The following EXOC4 variants were observed in gnomAD, a reference collection of about 807,000 sequenced individuals.
The protein encoded by EXOC4 is SEC8-like 1.
EXOC4 carries 71 observed loss-of-function variants against 107.2 expected under a neutral mutation model. That is an observed-to-expected ratio of 0.66 (90% confidence interval 0.55 to 0.81). The LOEUF is 0.81. Ranked by LOEUF, EXOC4 falls within the 30% of genes least tolerant of loss-of-function variation. EXOC4 has a pLI of 0.00. For synonymous variants in EXOC4, 456 were observed against 441.2 expected (o/e 1.03, Z -0.42); for missense variants, 1,108 against 1,189.6 (o/e 0.93, Z 1.01).
At chr7:134,038,133 GAGTCGC>G (rs2116513417) in intron 17 of EXOC4, among the ~76,000 whole-genome samples, 1 of 152,318 alleles carries the variant, frequency 6.6e-6, no homozygotes, top group Non-Finnish European at 1.5e-5. Context: ...ATGGGCTAAG[GAGTCGC>G]AGTATCGATT....
chr7:133,633,485 G>A (rs1253856948), intron 10 of EXOC4, among the ~76,000 whole-genome samples: 6 of 152,150 alleles, frequency 3.9e-5, no homozygotes, highest in African/African-American at 9.7e-5. Flanking sequence ...TTGGGAAGCC[G>A]AGGTGGGTGG....
At chr7:133,469,009 A>G (rs958317594) in intron 7 of EXOC4, among the ~76,000 whole-genome samples, 1 of 152,036 alleles carries the variant, frequency 6.6e-6, no homozygotes, top group Non-Finnish European at 1.5e-5. Context: ...GCTTGAGACA[A>G]TTTTTTCATG....
Position 133,481,544 on chromosome 7 carries a change from A to G in EXOC4, c.1417+1406A>G, listed in dbSNP as rs1445966465. The stretch of plus-strand genomic sequence containing the variant: ...TAAAGACTATTGCCTTGTCATTCCT[A>G]ACTTCACCTTTGTTATTAATAGAAT... On this transcript the variant is annotated intron_variant, in intron 9 of 17. Coordinates refer to ENST00000253861, the MANE Select transcript of EXOC4 (RefSeq NM_021807.4). 2.0e-5 allele frequency among the ~76,000 whole-genome samples: 3 copies of G among 152,162 alleles called. No homozygotes were observed. In the East Asian group the frequency reaches 5.8e-4, roughly 29 times the overall value.
chr7:133,408,290 G>A lies in EXOC4; in HGVS notation c.1182+33288G>A, dbSNP rs1463313368. ...TCGTGGGGGTCATGGTAGGGTGGTA[G>A]TGATGATGGAGGTATTGGTGGGGAT... On this transcript the variant is annotated intron_variant, in intron 7 of 17. Transcript: ENST00000253861. Among the ~76,000 whole-genome samples, 4 of 151,550 alleles carry A rather than the reference G, an allele frequency of 2.6e-5. No homozygotes were observed. In the East Asian group the frequency reaches 7.8e-4, roughly 30 times the overall value.
intron 10 of EXOC4, among the ~76,000 whole-genome samples, chr7:133,803,885 G>C (rs924907668): frequency 6.6e-6 from 1 of 152,184 alleles, no homozygotes; most frequent in East Asian, 1.9e-4. Flanking sequence ...ATTTAACACA[G>C]ATGCCTCTTG....
At chr7:133,867,896 A>G (rs1057452951) in intron 11 of EXOC4, among the ~76,000 whole-genome samples, 46 of 152,222 alleles carry the variant, frequency 3.0e-4, no homozygotes, top group African/African-American at 1.1e-3. Context: ...ATCTTACTGT[A>G]TGGTTTAAGG....
chr7:133,352,940 C>G (rs964794462), intron 5 of EXOC4, among the ~76,000 whole-genome samples: 3 of 152,020 alleles, frequency 2.0e-5, no homozygotes, highest in African/African-American at 4.8e-5. Flanking sequence ...GGCTCTGTCC[C>G]TACCACTTTT....
intron 11 of EXOC4, among the ~76,000 whole-genome samples, chr7:133,822,908 T>C (rs1797557736): frequency 6.6e-6 from 1 of 152,242 alleles, no homozygotes; most frequent in Non-Finnish European, 1.5e-5. Flanking sequence ...AGTATTCAGC[T>C]TTGTTTCATG....
chr7:133,261,335 CTG>C (rs1303371266), intron 1 of EXOC4, among the ~76,000 whole-genome samples: 4 of 149,492 alleles, frequency 2.7e-5, no homozygotes, highest in African/African-American at 7.4e-5. Context: ...AGTGTGATCT[CTG>C]CTCACTGCAA....
intron 10 of EXOC4, among the ~76,000 whole-genome samples, chr7:133,787,145 GTTTTTTCTTTTCTTTT>G (rs1365727976): frequency 1.4e-5 from 2 of 144,120 alleles, no homozygotes; most frequent in African/African-American, 5.1e-5. Flanking sequence ...TTTTTTTCTT[GTTTTTTCTTTTCTTTT>G]TTTTTTCTTT....
At chr7:133,328,585 G>A (rs1795304978) in intron 5 of EXOC4, among the ~76,000 whole-genome samples, 1 of 152,094 alleles carries the variant, frequency 6.6e-6, no homozygotes, top group African/African-American at 2.4e-5. Context: ...CCATTTTAGT[G>A]CTTCCTCTGG....
intron 17 of EXOC4, among the ~76,000 whole-genome samples, chr7:134,020,079 C>T (rs972858179): frequency 3.3e-5 from 5 of 152,210 alleles, no homozygotes; most frequent in African/African-American, 9.6e-5. Context: ...CAAATTAGCA[C>T]GTCATCAACA....
At chr7:133,629,440 G>A (rs542996533) in intron 9 of EXOC4, among the ~76,000 whole-genome samples, 1 of 152,282 alleles carries the variant, frequency 6.6e-6, no homozygotes, top group African/African-American at 2.4e-5. Context: ...TAACTGAATT[G>A]TAGCCTTGCA....
At chr7:133,859,644 C>T (rs1173734775) in intron 11 of EXOC4, among the ~76,000 whole-genome samples, 2 of 152,152 alleles carry the variant, frequency 1.3e-5, no homozygotes, top group African/African-American at 2.4e-5. Context: ...TCCTTGAACA[C>T]TTAGGACAGT....
chr7:133,817,311 T>C lies in EXOC4; in HGVS notation c.1515-14T>C. ...CTCATAAATTTAATAACCTTCTTAC[T>C]GTTTGTCCTCCAGATTTATTCAGGA... On this transcript the variant is annotated splice_polypyrimidine_tract_variant and intron_variant, in intron 10 of 17. Coordinates refer to ENST00000253861, the MANE Select transcript of EXOC4 (RefSeq NM_021807.4). 3 of 1,584,890 alleles carry C rather than the reference T, an allele frequency of 1.9e-6. No individual in the cohort carries two copies. Among genetic ancestry groups the C allele is most frequent in the Non-Finnish European group, 2.6e-6 (3 of 1,154,098 alleles).
intron 10 of EXOC4, among the ~76,000 whole-genome samples, chr7:133,672,207 T>C (rs1793961356): frequency 6.6e-6 from 1 of 151,804 alleles, no homozygotes; most frequent in African/African-American, 2.4e-5. Flanking sequence ...CTGGCTAACA[T>C]GGTGAAACCC....
At chr7:133,968,629 GT>G (rs1801128123) in intron 14 of EXOC4, among the ~76,000 whole-genome samples, 2 of 152,066 alleles carry the variant, frequency 1.3e-5, no homozygotes, top group Admixed American at 1.3e-4. Flanking sequence ...GAAATTCTGG[GT>G]TGAATTTTTT....
intron 10 of EXOC4, among the ~76,000 whole-genome samples, chr7:133,666,014 A>G (rs933065129): frequency 1.1e-4 from 16 of 152,156 alleles, no homozygotes; most frequent in South Asian, 2.1e-4. Context: ...TTCAGTACCA[A>G]TTTGTTTCCT....
intron 9 of EXOC4, among the ~76,000 whole-genome samples, chr7:133,505,505 A>C (rs1445979253): frequency 6.6e-6 from 1 of 152,146 alleles, no homozygotes; most frequent in African/African-American, 2.4e-5. Flanking sequence ...ATTTAATGGA[A>C]ATATTTTGTT....
Sources: allele counts gnomAD v4.1 joint callset (sites outside exome capture counted in the v4.1 genomes callset), GRCh38; gene constraint gnomAD v4.1.1; transcripts MANE v1.5; gene names NCBI Gene and HGNC (gene_info 2026-07-23, HGNC 2026-07-21).